Variants in ZNF333 observed in about 807,000 individuals in gnomAD.
The protein encoded by ZNF333 is zinc finger protein 333.
A neutral mutation model predicts 76.1 loss-of-function variants in ZNF333; 61 were observed. That is an observed-to-expected ratio of 0.80 (90% CI 0.65 to 0.99). The LOEUF (loss-of-function observed/expected upper bound fraction) is 0.99. Among genes scored for constraint, ZNF333 ranks in the 50% least tolerant of loss-of-function variants. The pLI, the probability that ZNF333 is intolerant of heterozygous loss-of-function variation, is 0.00. For synonymous variants in ZNF333, 284 were observed against 305.0 expected (o/e 0.93, Z 0.72); for missense variants, 717 against 822.4 (o/e 0.87, Z 1.57).
At chr19:14,691,101 AAAC>A (rs1303455530) in intron 1 of ZNF333, among the ~76,000 whole-genome samples, 4 of 152,162 alleles carry the variant, frequency 2.6e-5, no homozygotes, top group African/African-American at 9.7e-5. Context: ...TCAAAAACAA[AAAC>A]AACAACAAAA....
In ZNF333 at chr19:14,720,796, T is replaced by C. The variant is rs1741622883; in HGVS notation, c.*1471T>C. On this transcript the variant is annotated 3_prime_UTR_variant, in exon 12 of 12. Coordinates refer to ENST00000292530, the MANE Select transcript of ZNF333 (RefSeq NM_032433.4). ...CACATTTATAAATGTTGATCTGTGA[T>C]CTAGCATTTATTGAGAGAGGTATGT... 2 of 984,658 alleles carry C rather than the reference T, an allele frequency of 2.0e-6. No individual in the cohort carries two copies. Among genetic ancestry groups the C allele is most frequent in the Non-Finnish European group, 2.4e-6 (2 of 829,326 alleles). The allele number at this position is 984,658 out of a possible 1,614,324, so 61.0% of individuals were successfully genotyped here. A position where few individuals can be genotyped will look rare whatever the true frequency, so the allele number is the denominator to read the frequency against.
At chr19:14,691,817 T>C (rs1413431603) in intron 1 of ZNF333, among the ~76,000 whole-genome samples, 2 of 151,912 alleles carry the variant, frequency 1.3e-5, no homozygotes, top group Non-Finnish European at 2.9e-5. Context: ...GCTGTGATTA[T>C]AGGCGCCCGC....
At position 14,715,486 on chromosome 19, in the gene ZNF333, T is replaced by C. The variant is rs1192066724; in HGVS notation, c.600+16T>C. The stretch of plus-strand genomic sequence containing the variant: ...CTGTTCACAGGTAGGTAAGAACTTC[T>C]TGTTCTAAAAGAACACTGCTGTGCC... On this transcript the variant is annotated intron_variant, in intron 8 of 11. Transcript: ENST00000292530. The C allele has an allele frequency of 6.2e-7, 1 of 1,611,284 alleles. No individual in the cohort carries two copies. The highest frequency in any genetic ancestry group is 8.5e-7 in the Non-Finnish European group (1 of 1,177,894).
At chr19:14,703,989 C>T (rs902581779) in intron 5 of ZNF333, among the ~76,000 whole-genome samples, 1 of 152,090 alleles carries the variant, frequency 6.6e-6, no homozygotes, top group African/African-American at 2.4e-5. Flanking sequence ...ATTTTCTCAC[C>T]CTTATGGAGG....
At chr19:14,706,829 T>C in intron 7 of ZNF333, 56 bp downstream of exon 7, 1 of 1,488,590 alleles carries the variant, frequency 6.7e-7, no homozygotes, top group Non-Finnish European at 9.3e-7. Context: ...CCTTGTGTTC[T>C]GTCCAGGAAC....
At chr19:14,705,614 G>A (rs1051798526) in intron 6 of ZNF333, among the ~76,000 whole-genome samples, 10 of 152,152 alleles carry the variant, frequency 6.6e-5, no homozygotes, top group Middle Eastern at 3.2e-3. Flanking sequence ...GAGAGATGCC[G>A]TAAGGCAAGG....
chr19:14,701,205 G>A (rs578224314), intron 5 of ZNF333, among the ~76,000 whole-genome samples: 64 of 152,158 alleles, frequency 4.2e-4, no homozygotes, highest in Middle Eastern at 6.8e-3. Context: ...TGGTGGTTGC[G>A]GTAAGCCTCA....
At chr19:14,727,176 C>T (rs779197317) in intron 11 of ZNF333, among the ~76,000 whole-genome samples, 12 of 152,020 alleles carry the variant, frequency 7.9e-5, no homozygotes, top group East Asian at 1.9e-4. Context: ...TACAGGTGTC[C>T]GCCACCACGC....
chr19:14,695,374 G>A (rs1320974509), intron 3 of ZNF333, among the ~76,000 whole-genome samples, 192 bp from the exon 4 acceptor site: 1 of 152,222 alleles, frequency 6.6e-6, no homozygotes, highest in Non-Finnish European at 1.5e-5. Flanking sequence ...GCAGAGGGGA[G>A]GGTGTTTGTG....
At position 14,706,698 on chromosome 19, in the gene ZNF333, G is replaced by A. The variant is rs139606625; in HGVS notation, c.436G>A (p.Ala146Thr). The A allele has an allele frequency of 1.2e-4, 192 of 1,614,064 alleles. 3 individuals carry two copies. In the African/African-American group the frequency reaches 2.0e-3, roughly 17 times the overall value. The change falls in exon 7 of 12, where the codon GCT becomes ACT. Residue 146 changes from alanine to threonine, a missense_variant. Physicochemically the swap from Ala to Thr is moderately conservative, Grantham distance 58. Coordinates refer to ENST00000292530, the MANE Select transcript of ZNF333 (RefSeq NM_032433.4). The part of the protein sequence containing the change: ...WSLGCTGLKA[A>T]MQIQRVVIPV... ...TCACTCTGTCCAGGGACTGAAGGCC[G>A]CTATGCAGATTCAGAGGGTGGTGAT...
chr19:14,719,677 T>C lies in ZNF333; in HGVS notation c.*352T>C, dbSNP rs2042546899. On this transcript the variant is annotated 3_prime_UTR_variant, in exon 12 of 12. Coordinates refer to ENST00000292530, the MANE Select transcript of ZNF333 (RefSeq NM_032433.4). ...GGAAGGTTCCTGCATGTTATATGGC[T>C]ATTTCTTAGTTGCCTTTTTGTTGTT... 1.9e-6 allele frequency: 2 copies of C among 1,030,290 alleles called. No individual in the cohort carries two copies. Among genetic ancestry groups the C allele is most frequent in the South Asian group, 4.2e-5 (1 of 23,598 alleles). The allele number at this position is 1,030,290 out of a possible 1,614,324, so 63.8% of individuals were successfully genotyped here.
chr19:14,728,304 A>G (rs922148504), intron 11 of ZNF333, among the ~76,000 whole-genome samples: 3 of 152,186 alleles, frequency 2.0e-5, no homozygotes, highest in Non-Finnish European at 4.4e-5. Context: ...TATTTTTTCT[A>G]TCTACAGGCT....
chr19:14,716,339 A>C lies in ZNF333; in HGVS notation c.727+101A>C, dbSNP rs375820300. The C allele has an allele frequency of 2.9e-6, 4 of 1,370,838 alleles. No homozygotes were observed. The South Asian group carries it at 4.6e-5, about 16-fold the overall frequency. 84.9% of individuals were successfully genotyped at this position (1,370,838 alleles called of 1,614,324 possible). Reference sequence around the variant, plus strand: ...GATGGCGTGACCTTGGCTCACTGCAACCTCCGCTTCCTGGGCTCAGGTGAT... The same window carrying C: ...GATGGCGTGACCTTGGCTCACTGCACCCTCCGCTTCCTGGGCTCAGGTGAT... On this transcript the variant is annotated intron_variant, in intron 9 of 11. Coordinates refer to ENST00000292530, the MANE Select transcript of ZNF333 (RefSeq NM_032433.4).
chr19:14,705,046 T>G lies in ZNF333; in HGVS notation c.307-8T>G. 1 of 1,613,256 alleles carries G rather than the reference T, an allele frequency of 6.2e-7. No individual in the cohort carries two copies. The highest frequency in any genetic ancestry group is 8.5e-7 in the Non-Finnish European group (1 of 1,179,458). Reference sequence around the variant, plus strand: ...TGTCCTGCTCAGCACCCTCTTGTCTTTTGCCAGGGGCCGGGGCTGTTCCTG... The same window carrying G: ...TGTCCTGCTCAGCACCCTCTTGTCTGTTGCCAGGGGCCGGGGCTGTTCCTG... On this transcript the variant is annotated splice_polypyrimidine_tract_variant and splice_region_variant and intron_variant, in intron 5 of 11. Coordinates refer to ENST00000292530, the MANE Select transcript of ZNF333 (RefSeq NM_032433.4).
At chr19:14,723,941 A>T (rs1441515066), downstream of ZNF333, among the ~76,000 whole-genome samples, 1 of 152,204 alleles carries the variant, frequency 6.6e-6, no homozygotes, top group Non-Finnish European at 1.5e-5. Flanking sequence ...CCAATCCAGG[A>T]TGCTGACATT....
At chr19:14,709,975 C>T (rs898576854) in intron 7 of ZNF333, among the ~76,000 whole-genome samples, 5 of 152,292 alleles carry the variant, frequency 3.3e-5, no homozygotes, top group African/African-American at 1.2e-4. Context: ...GTTGGGCTGT[C>T]AGGAGGTTCG....
chr19:14,718,626 G>C lies in ZNF333; in HGVS notation c.1299G>C (p.Arg433Ser), dbSNP rs1289081061. ...GTCAGTGTGGGAAAACCTTCACGAG[G>C]AACTTTAACCTGATTTTGCACCAGA... Reference protein sequence around the residue: ...ECSQCGKTFTRNFNLILHQRN... With the variant: ...ECSQCGKTFTSNFNLILHQRN... The change falls in exon 12 of 12, where the codon AGG becomes AGC. Residue 433 changes from arginine to serine, a missense_variant. Transcript: ENST00000292530. The C allele has an allele frequency of 1.9e-6, 3 of 1,613,624 alleles. No individual in the cohort carries two copies. The African/African-American group carries it at 4.0e-5, about 22-fold the overall frequency.
chr19:14,701,875 C>T, intron 5 of ZNF333: 2 of 985,584 alleles, frequency 2.0e-6, no homozygotes, highest in Non-Finnish European at 2.4e-6. Context: ...TCCCTGAAGA[C>T]ATCCAGCCCG....
At chr19:14,712,386 A>G (rs1428465891) in intron 7 of ZNF333, among the ~76,000 whole-genome samples, 1 of 151,796 alleles carries the variant, frequency 6.6e-6, no homozygotes, top group Admixed American at 6.6e-5. Context: ...CGCCCAGCTA[A>G]TTTTTGTATT....
Sources: allele counts gnomAD v4.1 joint callset (sites outside exome capture counted in the v4.1 genomes callset), GRCh38; gene constraint gnomAD v4.1.1; transcripts MANE v1.5; gene names NCBI Gene and HGNC (gene_info 2026-07-23, HGNC 2026-07-21).